Variants in TENM2 observed in about 807,000 individuals in gnomAD.
TENM2 encodes the protein teneurin transmembrane protein 2, also known as teneurin-2.
A neutral mutation model predicts 245.2 loss-of-function variants in TENM2; 52 were observed. That is an observed-to-expected ratio of 0.21 (90% CI 0.17 to 0.27). The LOEUF is 0.27. Among genes scored for constraint, TENM2 ranks in the 10% least tolerant of loss-of-function variants. The pLI is 1.00. For missense variants in TENM2, 3,046 were observed against 3,666.8 expected (o/e 0.83, Z 4.37); for synonymous variants, 1,363 against 1,438.9 (o/e 0.95, Z 1.19).
chr5:168,200,738 G>A (rs941519484), intron 17 of TENM2, among the ~76,000 whole-genome samples: 2 of 152,144 alleles, frequency 1.3e-5, no homozygotes, highest in Admixed American at 6.5e-5. Flanking sequence ...AAGGAATCAC[G>A]ATTCCCTCCT....
chr5:167,376,505 G>T (rs6874782), intron 2 of TENM2, among the ~76,000 whole-genome samples: 45,444 of 151,978 alleles, frequency 0.3, 7,132 homozygotes, highest in African/African-American at 0.41. Context: ...GAATGCAAAA[G>T]CATAGCTAAA....
chr5:167,420,057 T>C (rs1454794120), intron 2 of TENM2, among the ~76,000 whole-genome samples: 1 of 152,138 alleles, frequency 6.6e-6, no homozygotes, highest in Admixed American at 6.6e-5. Context: ...AAGGAAAAGA[T>C]GTAGGTATAG....
intron 2 of TENM2, among the ~76,000 whole-genome samples, chr5:167,605,401 A>G (rs539916470): frequency 1.3e-5 from 2 of 152,322 alleles, no homozygotes; most frequent in African/African-American, 2.4e-5. Context: ...TGAGCACGCT[A>G]TGACCTTCAG....
intron 4 of TENM2, among the ~76,000 whole-genome samples, chr5:167,955,961 T>C (rs1166740935): frequency 6.6e-6 from 1 of 152,214 alleles, no homozygotes; most frequent in Non-Finnish European, 1.5e-5. Flanking sequence ...TGGGCTCTTT[T>C]TTGGTTCCAT....
Position 167,523,276 on chromosome 5 carries a change from G to A in TENM2, c.502+147803G>A, listed in dbSNP as rs1323345942. Among the ~76,000 whole-genome samples, 5 of 152,248 alleles carry A rather than the reference G, an allele frequency of 3.3e-5. No homozygotes were observed. In the South Asian group the frequency reaches 6.2e-4, roughly 19 times the overall value. On this transcript the variant is annotated intron_variant, in intron 2 of 28. Coordinates refer to ENST00000518659, the Ensembl canonical transcript of TENM2. The stretch of plus-strand genomic sequence containing the variant: ...AGGAAATAGACATCTGTTTCTGGAG[G>A]CCACCCCAGTTAGCCCACTACAGGT...
chr5:168,035,294 T>G (rs527632022), intron 5 of TENM2, among the ~76,000 whole-genome samples: 20 of 152,136 alleles, frequency 1.3e-4, no homozygotes, highest in Non-Finnish European at 2.4e-4. Context: ...GTCAGGAGTT[T>G]GAGACCAGCC....
chr5:167,580,850 G>A (rs548653157), intron 2 of TENM2, among the ~76,000 whole-genome samples: 32 of 152,322 alleles, frequency 2.1e-4, no homozygotes, highest in South Asian at 8.3e-4. Context: ...TTAGCCGGGC[G>A]TGGTGGCGCA....
intron 2 of TENM2, among the ~76,000 whole-genome samples, chr5:167,697,674 G>A (rs891241906): frequency 6.6e-5 from 10 of 152,124 alleles, no homozygotes; most frequent in South Asian, 2.1e-4. Context: ...ACAGGCACCC[G>A]CCACCATGTC....
At chr5:167,645,511 G>T (rs1471573585) in intron 2 of TENM2, among the ~76,000 whole-genome samples, 1 of 151,852 alleles carries the variant, frequency 6.6e-6, no homozygotes, top group Non-Finnish European at 1.5e-5. Flanking sequence ...TTCTTTACAG[G>T]AAACACTTGT....
At chr5:167,153,098 TACAC>T in the TENM2 span, among the ~76,000 whole-genome samples, 24 of 147,446 alleles carry the variant, frequency 1.6e-4, no homozygotes, top group Admixed American at 1.2e-3. Context: ...AATGAATACA[TACAC>T]ACACACACAC....
intron 1 of TENM2, among the ~76,000 whole-genome samples, chr5:167,367,391 A>G (rs1368362504): frequency 6.6e-6 from 1 of 152,186 alleles, no homozygotes; most frequent in Non-Finnish European, 1.5e-5. Context: ...TATTTGGCTT[A>G]AACTTTTATG....
In TENM2 at chr5:167,285,080, C is replaced by T. The variant is rs1218093506; in HGVS notation, c.226+17C>T. On this transcript the variant is annotated intron_variant, in intron 1 of 28. Coordinates refer to ENST00000518659, the Ensembl canonical transcript of TENM2. ...CTAGACAAGGTTTGTAGGGTTTCCC[C>T]TGCTGATTTGCTCTCAACTGTCTAA... The T allele has an allele frequency of 2.0e-6, 3 of 1,532,666 alleles. No homozygotes were observed. The highest frequency in any genetic ancestry group is 2.7e-6 in the Non-Finnish European group (3 of 1,129,616). 94.9% of individuals were successfully genotyped at this position (1,532,666 alleles called of 1,614,324 possible).
At chr5:167,345,862 A>G (rs1266397039) in intron 1 of TENM2, among the ~76,000 whole-genome samples, 1 of 150,860 alleles carries the variant, frequency 6.6e-6, no homozygotes, top group Non-Finnish European at 1.5e-5. Flanking sequence ...ATTAGCTCTC[A>G]TCATTTAATT....
intron 2 of TENM2, among the ~76,000 whole-genome samples, chr5:167,778,545 G>C (rs972410935): frequency 6.6e-6 from 1 of 152,160 alleles, no homozygotes; most frequent in South Asian, 2.1e-4. Context: ...GTTTCAGCAA[G>C]AGTGTTAGTG....
chr5:167,024,542 T>C, the TENM2 span, among the ~76,000 whole-genome samples: 3 of 152,010 alleles, frequency 2.0e-5, no homozygotes, highest in African/African-American at 7.2e-5. Flanking sequence ...GGAAGGCTAT[T>C]TTATATTGGG....
At chr5:167,341,120 G>A (rs1758075649) in intron 1 of TENM2, among the ~76,000 whole-genome samples, 1 of 152,154 alleles carries the variant, frequency 6.6e-6, no homozygotes, top group South Asian at 2.1e-4. Flanking sequence ...TGCTGTTCCT[G>A]TTTGGGTCTA....
chr5:167,026,773 G>A, the TENM2 span, among the ~76,000 whole-genome samples: 1 of 152,182 alleles, frequency 6.6e-6, no homozygotes, highest in Non-Finnish European at 1.5e-5. Flanking sequence ...CAAATGTGTG[G>A]AAGTTTTCCA....
chr5:167,341,623 T>A (rs1410314005), intron 1 of TENM2, among the ~76,000 whole-genome samples: 1 of 152,104 alleles, frequency 6.6e-6, no homozygotes, highest in African/African-American at 2.4e-5. Context: ...AAAAAAAATC[T>A]GTCTTAAATG....
At chr5:167,157,848 G>A in the TENM2 span, among the ~76,000 whole-genome samples, 5 of 152,172 alleles carry the variant, frequency 3.3e-5, no homozygotes, top group African/African-American at 4.8e-5. Context: ...AGATATGAGA[G>A]CAGCTAAGCA....
Sources: allele counts gnomAD v4.1 joint callset (sites outside exome capture counted in the v4.1 genomes callset), GRCh38; gene constraint gnomAD v4.1.1; transcripts MANE v1.5; gene names NCBI Gene and HGNC (gene_info 2026-07-23, HGNC 2026-07-21).